SYNE1: variants seen among roughly 807,000 people sequenced by gnomAD.
The protein encoded by SYNE1 is spectrin repeat containing nuclear envelope protein 1.
Under a neutral mutation model 1,111.0 loss-of-function variants are expected in SYNE1, and 616 were observed. The ratio of observed to expected loss-of-function variants is 0.55; its 90% CI spans 0.52 to 0.59. The LOEUF (loss-of-function observed/expected upper bound fraction) is 0.59. Among genes scored for constraint, SYNE1 ranks in the 20% least tolerant of loss-of-function variants. The pLI is 0.00. For synonymous variants in SYNE1, 3,855 were observed against 3,825.8 expected (o/e 1.01, Z -0.28); for missense variants, 10,006 against 10,417.0 (o/e 0.96, Z 1.72).
intron 124 of SYNE1, among the ~76,000 whole-genome samples, chr6:152,210,979 A>G (rs1232175602): frequency 6.6e-6 from 1 of 152,186 alleles, no homozygotes; most frequent in Non-Finnish European, 1.5e-5. Context: ...GGTATGATCC[A>G]GTACTGACTG....
intron 41 of SYNE1, among the ~76,000 whole-genome samples, chr6:152,415,665 A>T (rs1233825275): frequency 1.3e-5 from 2 of 152,058 alleles, no homozygotes; most frequent in East Asian, 1.9e-4. Context: ...CAGTAAAAAA[A>T]TTGTTTAAAA....
chr6:152,212,812 T>C (rs2077777965), intron 123 of SYNE1, among the ~76,000 whole-genome samples: 1 of 152,214 alleles, frequency 6.6e-6, no homozygotes. Flanking sequence ...TTCATTATAG[T>C]CATCCTTGTG....
chr6:152,234,691 G>C lies in SYNE1; in HGVS notation c.20506C>G (p.Arg6836Gly), dbSNP rs771234683. The change falls in exon 111 of 146, where the codon CGT becomes GGT. Residue 6836 changes from arginine to glycine, a missense_variant. Arg to Gly is a moderately radical substitution (Grantham distance 125). Around this residue, in one of 7 missense-constraint regions of SYNE1, gnomAD observed 2,182 missense variants for 2,287.8 expected, o/e 0.95. Transcript: ENST00000367255. ...ACCAGGAAAGCATTTAGATGATCACGGACCATTTCCAGCTCTTGTGGGACT... is the reference window on the plus strand; with the variant it reads ...ACCAGGAAAGCATTTAGATGATCACCGACCATTTCCAGCTCTTGTGGGACT... ...VTVPQELEMVRDHLNAFLEFS... is the reference protein window; with the variant it reads ...VTVPQELEMVGDHLNAFLEFS... The C allele has an allele frequency of 2.5e-6, 4 of 1,614,016 alleles. No homozygotes were observed. Among genetic ancestry groups the C allele is most frequent in the African/African-American group, 1.3e-5 (1 of 74,914 alleles).
At chr6:152,498,684 G>C in intron 11 of SYNE1, 58 bp downstream of exon 11, 1 of 1,206,994 alleles carries the variant, frequency 8.3e-7, no homozygotes. Context: ...TGACTAAAAT[G>C]CTACAGAATG....
Position 152,318,241 on chromosome 6 carries a change from C to A in SYNE1, c.16412G>T (p.Gly5471Val). The change falls in exon 86 of 146, where the codon GGC becomes GTC. Residue 5471 changes from glycine (G) to valine (V), a missense_variant. Physicochemically the swap from Gly to Val is moderately radical, Grantham distance 109. This residue lies in a region of SYNE1 where 4,955 missense variants were observed against 5,017.2 expected (regional missense o/e 0.99). Transcript: ENST00000367255. ...DQKVLGEELDGCNSKLMELDA... is the reference protein window; with the variant it reads ...DQKVLGEELDVCNSKLMELDA... ...TAATTCCATTAACTTTGAATTACAG[C>A]CATCTAATTCCTCTCCCAGCACCTT... 6.2e-7 allele frequency: 1 copy of A among 1,614,150 alleles called. No individual in the cohort carries two copies. The highest frequency in any genetic ancestry group is 8.5e-7 in the Non-Finnish European group (1 of 1,180,032).
chr6:152,574,368 G>C (rs2099487901), intron 3 of SYNE1, among the ~76,000 whole-genome samples: 1 of 151,892 alleles, frequency 6.6e-6, no homozygotes, highest in Non-Finnish European at 1.5e-5. Flanking sequence ...CTCTGCAAAG[G>C]CATCCCCAAG....
At chr6:152,540,732 A>T (rs2099265317) in intron 3 of SYNE1, among the ~76,000 whole-genome samples, 1 of 152,244 alleles carries the variant, frequency 6.6e-6, no homozygotes, top group South Asian at 2.1e-4. Context: ...GCTGGCCTAG[A>T]AGAAGCAACC....
At chr6:152,471,331 A>G (rs1298973954) in intron 16 of SYNE1, among the ~76,000 whole-genome samples, 1 of 152,216 alleles carries the variant, frequency 6.6e-6, no homozygotes, top group Non-Finnish European at 1.5e-5. Flanking sequence ...AAAAATCAAT[A>G]AAGCCAGTCA....
intron 63 of SYNE1, among the ~76,000 whole-genome samples, chr6:152,363,021 C>T (rs1202114824): frequency 6.6e-6 from 1 of 151,288 alleles, no homozygotes; most frequent in East Asian, 2.0e-4. Flanking sequence ...GCTGGGACTA[C>T]ATGCCCCCGC....
At chr6:152,238,326 G>C (rs2084704448) in intron 108 of SYNE1, among the ~76,000 whole-genome samples, 1 of 152,144 alleles carries the variant, frequency 6.6e-6, no homozygotes. Context: ...GCAAACAGTT[G>C]CTCCCAGACT....
rs754562168 is a variant in SYNE1 at position 152,354,736 on chromosome 6, C to A, written c.10849G>T (p.Ala3617Ser). 1 of 1,614,120 alleles carries A rather than the reference C, an allele frequency of 6.2e-7. No homozygotes were observed. The highest frequency in any genetic ancestry group is 2.2e-5 in the East Asian group (1 of 44,892). The change falls in exon 67 of 146, where the codon GCA becomes TCA. Residue 3617 changes from alanine (A) to serine (S), a missense_variant. Around this residue, in one of 7 missense-constraint regions of SYNE1, gnomAD observed 4,955 missense variants for 5,017.2 expected, o/e 0.99. Coordinates refer to ENST00000367255, the MANE Select transcript of SYNE1 (RefSeq NM_182961.4). The part of the protein sequence containing the change: ...FQQVDEWLKT[A>S]EEKVSPRTRR... ...GTCCTGGGACTAACTTTCTCCTCTG[C>A]TGTTTTGAGCCATTCATCTACTTGC...
chr6:152,133,563 A>C, intron 142 of SYNE1, 75 bp from the exon 143 acceptor site: 1 of 1,419,226 alleles, frequency 7.0e-7, no homozygotes, highest in East Asian at 2.4e-5. Flanking sequence ...TGCAGAATGC[A>C]ATCAACTTAA....
Position 152,381,210 on chromosome 6 carries a change from G to A in SYNE1, c.8805C>T (p.Asp2935=). The change falls in exon 56 of 146, where the codon GAC becomes GAT. Residue 2935 remains aspartate, a synonymous_variant. Coordinates refer to ENST00000367255, the MANE Select transcript of SYNE1 (RefSeq NM_182961.4). ...AACAGCTCTGCGTTTGGAATACACT[G>A]TCTTCCCACTGCTTCCAGTCGGCAC... ...ALRADWKQWE[D]SVFQTQSCLE... 1.4e-5 allele frequency: 23 copies of A among 1,614,216 alleles called. No individual in the cohort carries two copies. The highest frequency in any genetic ancestry group is 1.9e-5 in the Non-Finnish European group (23 of 1,180,048).
chr6:152,340,175 C>T (rs192221804), intron 74 of SYNE1, among the ~76,000 whole-genome samples: 68 of 152,294 alleles, frequency 4.5e-4, no homozygotes, highest in South Asian at 3.3e-3. Context: ...TCTGAGGAAA[C>T]GACCTGAATG....
chr6:152,145,056 T>C (rs2059227048), intron 137 of SYNE1: 1 of 225,356 alleles, frequency 4.4e-6, no homozygotes, highest in East Asian at 1.1e-4. Context: ...AAGTGGTGGA[T>C]GGGCCAAAGG....
intron 73 of SYNE1, among the ~76,000 whole-genome samples, chr6:152,346,611 C>T (rs1263999234): frequency 1.3e-5 from 2 of 152,070 alleles, no homozygotes; most frequent in Admixed American, 1.3e-4. Flanking sequence ...GAGATCGAAA[C>T]CATCCTGGCT....
chr6:152,262,560 ACAGGACACAGGAGGGCGGTG>A (rs1562596805), intron 100 of SYNE1, among the ~76,000 whole-genome samples: 2 of 152,210 alleles, frequency 1.3e-5, no homozygotes, highest in South Asian at 4.1e-4. Flanking sequence ...CAGAGAAAAC[ACAGGACACAGGAGGGCGGTG>A]CAGGACACAG....
chr6:152,436,118 G>T lies in SYNE1; in HGVS notation c.4150-17C>A. 1 of 1,613,150 alleles carries T rather than the reference G, an allele frequency of 6.2e-7. No individual in the cohort carries two copies. Among genetic ancestry groups the T allele is most frequent in the Admixed American group, 1.7e-5 (1 of 59,892 alleles). On this transcript the variant is annotated splice_polypyrimidine_tract_variant and intron_variant, in intron 32 of 145. Transcript: ENST00000367255. The stretch of plus-strand genomic sequence containing the variant: ...AGAAAACTCCTAGAAAAAATATTAT[G>T]ATCATTAGGTAGGCACTTTATATTA...
chr6:152,359,243 T>C (rs1416981594), intron 65 of SYNE1, 72 bp downstream of exon 65: 2 of 1,593,406 alleles, frequency 1.3e-6, no homozygotes, highest in East Asian at 2.2e-5. Flanking sequence ...TGAACATAAA[T>C]GAGTCTTTAA....
Sources: allele counts gnomAD v4.1 joint callset (sites outside exome capture counted in the v4.1 genomes callset), GRCh38; gene constraint gnomAD v4.1.1; regional missense constraint gnomAD v4.1.1; transcripts MANE v1.5; gene names NCBI Gene and HGNC (gene_info 2026-07-23, HGNC 2026-07-21).